ARGFX: variants seen among roughly 807,000 people sequenced by gnomAD.
The protein encoded by ARGFX is arginine-fifty homeobox.
Under a neutral mutation model 8.0 loss-of-function variants are expected in ARGFX, and 10 were observed. The observed-to-expected ratio is 1.25, with a 90% CI of 0.77 to 2.12. ARGFX has a LOEUF of 2.12. Ranked by LOEUF, ARGFX falls within the 30% of genes most tolerant of loss-of-function variation. ARGFX has a pLI of 0.00. For synonymous variants in ARGFX, 116 were observed against 117.8 expected, an observed-to-expected ratio of 0.98 and a Z score of 0.10; for missense variants, 282 against 324.3, an observed-to-expected ratio of 0.87 and a Z score of 1.00.
rs1395614847 is a variant in ARGFX, at chr3:121,568,016, A to G, written c.-13+3A>G. On this transcript the variant is annotated splice_donor_region_variant and intron_variant, in intron 1 of 4. Transcript: ENST00000334384. ...TACTCTAAGGGGATTCGTGACAGGT[A>G]AGCATGGGGGAGCGGGGAGGGTAGC... Among the ~76,000 whole-genome samples, 1 of 152,198 alleles carries G rather than the reference A, an allele frequency of 6.6e-6. No individual in the cohort carries two copies. The highest frequency in any genetic ancestry group is 1.5e-5 in the Non-Finnish European group (1 of 68,036).
chr3:121,575,297 C>T (rs1056576564), intron 2 of ARGFX, among the ~76,000 whole-genome samples: 2 of 146,242 alleles, frequency 1.4e-5, no homozygotes, highest in African/African-American at 5.1e-5. Flanking sequence ...TCCAGCCTGG[C>T]GACAGAGCGA....
intron 1 of ARGFX, among the ~76,000 whole-genome samples, chr3:121,570,280 G>T (rs1411595103): frequency 6.6e-6 from 1 of 152,224 alleles, no homozygotes; most frequent in African/African-American, 2.4e-5. Flanking sequence ...AATCTGAGTT[G>T]ATTGGGAGTG....
intron 3 of ARGFX, 117 bp from the exon 4 acceptor site, chr3:121,584,800 G>T (rs929810926): frequency 8.2e-7 from 1 of 1,220,586 alleles, no homozygotes. Flanking sequence ...AGCCTGGTTG[G>T]AGGAAAGGCA....
Position 121,584,894 on chromosome 3 carries a change from CCTT to C in ARGFX, c.221-19_221-17del, listed in dbSNP as rs2048801901. 19 of 1,596,886 alleles carry C rather than the reference CCTT, an allele frequency of 1.2e-5. No homozygotes were observed. The highest frequency in any genetic ancestry group is 1.5e-5 in the Non-Finnish European group (18 of 1,172,886). ...GATTGGTAATGTAAATGTAACCACC[CCTT>C]CTTTATCTCTGCCCTGAAGCAATAC... On this transcript the variant is annotated intron_variant, in intron 3 of 4. Transcript: ENST00000334384.
At chr3:121,581,904 TA>T (rs933956641) in intron 3 of ARGFX, among the ~76,000 whole-genome samples, 109 of 144,816 alleles carry the variant, frequency 7.5e-4, no homozygotes, top group African/African-American at 1.6e-3. Flanking sequence ...GGAGACTCTG[TA>T]AAAAAAAAAA....
chr3:121,585,994 C>A, intron 4 of ARGFX, 28 bp from the exon 5 acceptor site: 2 of 1,543,048 alleles, frequency 1.3e-6, no homozygotes, highest in Admixed American at 4.1e-5. Flanking sequence ...TAACAGACCA[C>A]AATCTCCCCC....
chr3:121,575,070 G>A (rs554251516), intron 2 of ARGFX, among the ~76,000 whole-genome samples: 61 of 152,100 alleles, frequency 4.0e-4, no homozygotes, highest in Non-Finnish European at 7.1e-4. Context: ...CTGTAATCTC[G>A]GCACTTTGGG....
intron 3 of ARGFX, among the ~76,000 whole-genome samples, chr3:121,580,979 T>C (rs1232814595): frequency 1.3e-5 from 2 of 152,238 alleles, no homozygotes; most frequent in East Asian, 3.9e-4. Context: ...AGCAAGTTTA[T>C]TATTATTATT....
chr3:121,586,041 G>A lies in ARGFX; in HGVS notation c.389G>A (p.Arg130Gln), dbSNP rs752404821. 5.1e-6 allele frequency: 8 copies of A among 1,581,692 alleles called. No individual in the cohort carries two copies. The highest frequency in any genetic ancestry group is 2.7e-5 in the African/African-American group (2 of 73,750). Residue 130 changes from arginine (R) to glutamine (Q), a missense_variant, in exon 5 of 5, where the codon CGA becomes CAA. Arg to Gln is a conservative substitution (Grantham distance 43, BLOSUM62 1). Transcript: ENST00000334384. ...STVKVWFRNR[R>Q]FKLKKQQQQQ... The stretch of plus-strand genomic sequence containing the variant: ...TCCCAGGTTTGGTTCAGGAACCGGC[G>A]ATTCAAATTGAAGAAGCAGCAGCAG...
Position 121,586,757 on chromosome 3 carries a change from G to A in ARGFX, c.*157G>A. On this transcript the variant is annotated 3_prime_UTR_variant, in exon 5 of 5. Coordinates refer to ENST00000334384, the MANE Select transcript of ARGFX (RefSeq NM_001012659.2). ...AAAAAGAGTTTTCCAAGTAGAGCTG[G>A]GCACTACGTAATCAGCCCCACAAGT... is the stretch of plus-strand genomic sequence containing the variant. 3.0e-6 allele frequency: 2 copies of A among 677,860 alleles called. No individual in the cohort carries two copies. The highest frequency in any genetic ancestry group is 4.1e-5 in the South Asian group (2 of 48,498). The allele number at this position is 677,860 out of a possible 1,614,324, so 42.0% of individuals were successfully genotyped here. A position where few individuals can be genotyped will look rare whatever the true frequency, so the allele number is the denominator to read the frequency against.
At chr3:121,572,087 C>T (rs896603525) in intron 2 of ARGFX, among the ~76,000 whole-genome samples, 2 of 151,908 alleles carry the variant, frequency 1.3e-5, no homozygotes, top group Non-Finnish European at 2.9e-5. Context: ...CTGCCTTGGC[C>T]TCTCAAAGTA....
At chr3:121,570,884 C>A in intron 2 of ARGFX, 68 bp downstream of exon 2, 1 of 1,081,282 alleles carries the variant, frequency 9.2e-7, no homozygotes, top group Non-Finnish European at 1.3e-6. Flanking sequence ...CCTACAATTG[C>A]ATTTTGCATT....
intron 2 of ARGFX, among the ~76,000 whole-genome samples, chr3:121,575,095 G>A (rs1576441268): frequency 6.6e-6 from 1 of 152,122 alleles, no homozygotes; most frequent in Non-Finnish European, 1.5e-5. Context: ...CGAGGCAGGC[G>A]GATCACAGGG....
chr3:121,585,177 G>A, intron 4 of ARGFX, 112 bp downstream of exon 4: 1 of 1,215,568 alleles, frequency 8.2e-7, no homozygotes, highest in South Asian at 1.6e-5. Context: ...CATTAATTGA[G>A]TACCTACTGA....
chr3:121,573,271 A>G (rs997559058), intron 2 of ARGFX, among the ~76,000 whole-genome samples: 1 of 152,176 alleles, frequency 6.6e-6, no homozygotes, highest in African/African-American at 2.4e-5. Flanking sequence ...ACCTGAGGTC[A>G]GGAGTTCTAG....
intron 3 of ARGFX, among the ~76,000 whole-genome samples, chr3:121,578,403 A>C (rs1361600564): frequency 6.6e-6 from 1 of 152,098 alleles, no homozygotes; most frequent in Non-Finnish European, 1.5e-5. Flanking sequence ...CTGGGATTAC[A>C]GGTGTGAGCC....
At chr3:121,584,263 G>GAAGGAAGA (rs2048798141) in intron 3 of ARGFX, among the ~76,000 whole-genome samples, 3 of 148,100 alleles carry the variant, frequency 2.0e-5, no homozygotes, top group Non-Finnish European at 1.5e-5. Flanking sequence ...AGGAAGGAAG[G>GAAGGAAGA]AAGGAAAGAA....
At chr3:121,568,075 T>G (rs887351104) in intron 1 of ARGFX, among the ~76,000 whole-genome samples, 62 bp downstream of exon 1, 3 of 151,980 alleles carry the variant, frequency 2.0e-5, no homozygotes, top group Non-Finnish European at 4.4e-5. Context: ...CAAAGAGGAT[T>G]TGAAAAATCA....
intron 1 of ARGFX, among the ~76,000 whole-genome samples, chr3:121,569,911 G>A (rs1052772737): frequency 2.0e-5 from 3 of 152,214 alleles, no homozygotes; most frequent in African/African-American, 7.2e-5. Context: ...CATTGAGGGA[G>A]GCTAGCTGAA....
Sources: allele counts gnomAD v4.1 joint callset (sites outside exome capture counted in the v4.1 genomes callset), GRCh38; gene constraint gnomAD v4.1.1; transcripts MANE v1.5; gene names NCBI Gene and HGNC (gene_info 2026-07-23, HGNC 2026-07-21).